FGA: variants seen among roughly 807,000 people sequenced by gnomAD.
FGA encodes fibrinogen alpha chain.
A neutral mutation model predicts 20.3 loss-of-function variants in FGA; 20 were observed. That is an observed-to-expected ratio of 0.99 (90% confidence interval 0.69 to 1.43). The LOEUF is 1.43. Ranked by LOEUF, FGA falls within the 40% of genes most tolerant of loss-of-function variation. The pLI is 0.00. For synonymous variants in FGA, 306 were observed against 281.6 expected (o/e 1.09, Z -0.87); for missense variants, 777 against 784.7 (o/e 0.99, Z 0.12).
rs1196984802 is a variant in FGA at position 154,587,793 on chromosome 4, A to T, written c.365-136T>A. 12 of 715,746 alleles carry T rather than the reference A, an allele frequency of 1.7e-5. No homozygotes were observed. The East Asian group carries it at 1.9e-4, about 12-fold the overall frequency. 44.3% of individuals were successfully genotyped at this position (715,746 alleles called of 1,614,324 possible). A position where few individuals can be genotyped will look rare whatever the true frequency, so the allele number is the denominator to read the frequency against. On this transcript the variant is annotated intron_variant, in intron 3 of 4. Transcript: ENST00000403106. ...AAAGAAAGAAAGAAAGAAAGAAAGA[A>T]AGAAAGAAAGAGAAAAAAGAAAGAA...
chr4:154,584,221 T>C (rs1560823279), downstream of FGA: 2 of 1,608,804 alleles, frequency 1.2e-6, no homozygotes, highest in Non-Finnish European at 1.7e-6. Flanking sequence ...CTCAATCTCA[T>C]AAGGACTGTT....
At chr4:154,584,246 A>T (rs1261936987), downstream of FGA, 1 of 1,614,080 alleles carries the variant, frequency 6.2e-7, no homozygotes. Context: ...CTTGGGTCAT[A>T]GGAGCCCCCA....
Position 154,587,615 on chromosome 4 carries a change from C to A in FGA, c.407G>T (p.Ser136Ile). ...TTTGCGCTTCAGGACTTCAATTCTGCTTCTCAGATCCTCTGACACTCGGTT... is the reference window on the plus strand; with the variant it reads ...TTTGCGCTTCAGGACTTCAATTCTGATTCTCAGATCCTCTGACACTCGGTT... The part of the protein sequence containing the change: ...TYNRVSEDLR[S>I]RIEVLKRKVI... The change falls in exon 4 of 5, where the codon AGC becomes ATC. Residue 136 changes from serine to isoleucine, a missense_variant. Transcript: ENST00000403106. 6.2e-7 allele frequency: 1 copy of A among 1,613,932 alleles called. No homozygotes were observed. Among genetic ancestry groups the A allele is most frequent in the Non-Finnish European group, 8.5e-7 (1 of 1,179,942 alleles).
At chr4:154,587,791 G>GAAAGAAAC in intron 3 of FGA, 134 bp from the exon 4 acceptor site, 2 of 709,598 alleles carry the variant, frequency 2.8e-6, no homozygotes, top group East Asian at 2.8e-5. Context: ...AAGAAAGAAA[G>GAAAGAAAC]AAAGAAAGAA....
rs1276211348 is a variant in FGA, at chr4:154,585,614, A to C, written c.1815T>G (p.Asp605Glu). The change falls in exon 5 of 5, where the codon GAT (aspartate) becomes GAG (glutamate). Residue 605 changes from aspartate (D) to glutamate (E), a missense_variant. By Grantham distance (45) the Asp-to-Glu change is conservative. Coordinates refer to ENST00000403106, the MANE Select transcript of FGA (RefSeq NM_021871.4). ...TFESKSYKMA[D>E]EAGSEADHEG... ...CATGATCGGCTTCACTTCCGGCCTCATCTGCCATTTTATAGCTCTTGCTTT... is the reference window on the plus strand; with the variant it reads ...CATGATCGGCTTCACTTCCGGCCTCCTCTGCCATTTTATAGCTCTTGCTTT... 1 of 1,614,068 alleles carries C rather than the reference A, an allele frequency of 6.2e-7. No homozygotes were observed. The highest frequency in any genetic ancestry group is 1.3e-5 in the African/African-American group (1 of 74,926).
rs1730739224 is a variant in FGA at position 154,586,838 on chromosome 4, ATAGTCCTTCAGATC to A, written c.577_590del (p.Asp193Ter). 1 of 1,614,068 alleles carries A rather than the reference ATAGTCCTTCAGATC, an allele frequency of 6.2e-7. No individual in the cohort carries two copies. The highest frequency in any genetic ancestry group is 8.5e-7 in the Non-Finnish European group (1 of 1,180,026). ...GTTCAAGTTGCTTCTGCTGATCTTC[ATAGTCCTTCAGATC>A]TACTTCACGAGCTAAAGCCCTACTG... On this transcript the variant is annotated frameshift_variant, in exon 5 of 5. Transcript: ENST00000403106. LOFTEE classifies it low-confidence loss of function (END_TRUNC).
chr4:154,587,413 C>T (rs1560826349), intron 4 of FGA, 99 bp downstream of exon 4: 24 of 1,139,994 alleles, frequency 2.1e-5, no homozygotes, highest in East Asian at 1.7e-4. Context: ...GGATATAACA[C>T]TTTTCTCTGC....
chr4:154,586,412 A>G lies in FGA; in HGVS notation c.1017T>C (p.Ser339=). 1 of 1,611,492 alleles carries G rather than the reference A, an allele frequency of 6.2e-7. No individual in the cohort carries two copies. The highest frequency in any genetic ancestry group is 8.5e-7 in the Non-Finnish European group (1 of 1,178,592). Residue 339 remains serine, a synonymous_variant, in exon 5 of 5, where the codon TCT becomes TCC. Transcript: ENST00000403106. ...TTTGGTTTCCAGTACTTCCAGTTCC[A>G]GAGCTCCCAGAGTTCCAGCTTCCAG... ...GSTGSWNSGS[S]GTGSTGNQNP...
downstream of FGA, chr4:154,584,562 G>A: frequency 1.9e-6 from 3 of 1,614,140 alleles, no homozygotes; most frequent in Non-Finnish European, 2.5e-6. Context: ...TAAGAACAGA[G>A]CCCCTTTGGG....
chr4:154,590,599 G>A, intron 1 of FGA, 35 bp downstream of exon 1: 2 of 1,523,628 alleles, frequency 1.3e-6, no homozygotes, highest in South Asian at 2.4e-5. Context: ...AAACACCAGA[G>A]AGAAAGCAAG....
chr4:154,584,176 T>C (rs778213333), downstream of FGA: 1 of 1,614,122 alleles, frequency 6.2e-7, no homozygotes, highest in Non-Finnish European at 8.5e-7. Context: ...GAGGGAATAA[T>C]CTGCCCCTCT....
At chr4:154,584,952 C>A, downstream of FGA, 2 of 853,408 alleles carry the variant, frequency 2.3e-6, no homozygotes, top group South Asian at 2.9e-5. Flanking sequence ...TTTCTTCCTC[C>A]TTTCCTTCCC....
Position 154,585,494 on chromosome 4 carries a change from C to T in FGA, c.1935G>A (p.Ter645=), listed in dbSNP as rs1335801884. 6.4e-7 allele frequency: 1 copy of T among 1,564,880 alleles called. No individual in the cohort carries two copies. ...ACTGTGCAGAAATATTTAACTTAGT[C>T]TAGGGGGACAGGGAAGGCTTCCCCA... ...SPLGKPSLSP[*] Residue 645 remains the stop codon, a stop_retained_variant, in exon 5 of 5, where the codon TAG becomes TAA. Transcript: ENST00000403106.
Position 154,587,803 on chromosome 4 carries a change from G to GAAAGAAAGAA in FGA, c.365-147_365-146insTTCTTTCTTT, listed in dbSNP as rs1553964329. The GAAAGAAAGAA allele has an allele frequency of 6.0e-4, 399 of 664,462 alleles. 7 individuals are homozygous for GAAAGAAAGAA. The highest frequency in any genetic ancestry group is 3.3e-3 in the East Asian group (112 of 34,142). The allele number at this position is 664,462 out of a possible 1,614,324, so 41.2% of individuals were successfully genotyped here. ...AGAAAGAAAGAAAGAAAGAAAGAAA[G>GAAAGAAAGAA]AGAAAAAAGAAAGAAAGAAACTAGC... On this transcript the variant is annotated intron_variant, in intron 3 of 4. Transcript: ENST00000403106.
downstream of FGA, chr4:154,584,269 C>G: frequency 1.9e-6 from 3 of 1,614,102 alleles, no homozygotes; most frequent in Non-Finnish European, 2.5e-6. Flanking sequence ...GTAGTAGATT[C>G]CATTGAGATT....
Position 154,586,230 on chromosome 4 carries a change from G to A in FGA, c.1199C>T (p.Ser400Phe), listed in dbSNP as rs184635235. 2.8e-4 allele frequency: 456 copies of A among 1,614,060 alleles called. 2 individuals are homozygous for A. The East Asian group carries it at 7.0e-3, about 25-fold the overall frequency. ...TGGGTTGTTAGGCCTCGCGTTCCCAGAGCCTGGGCTATCTGGCCTAAAACT... is the reference window on the plus strand; with the variant it reads ...TGGGTTGTTAGGCCTCGCGTTCCCAAAGCCTGGGCTATCTGGCCTAAAACT... ...SGSFRPDSPG[S>F]GNARPNNPDW... The change falls in exon 5 of 5, where the codon TCT (serine) becomes TTT (phenylalanine). Residue 400 changes from serine (S) to phenylalanine (F), a missense_variant. Ser to Phe is a radical substitution (Grantham distance 155). Coordinates refer to ENST00000403106, the MANE Select transcript of FGA (RefSeq NM_021871.4).
chr4:154,584,419 C>A (rs747229356), downstream of FGA: 1 of 1,614,156 alleles, frequency 6.2e-7, no homozygotes, highest in South Asian at 1.1e-5. Context: ...CTCTACGGAA[C>A]CCTCAATCAG....
At position 154,586,343 on chromosome 4, in the gene FGA, A is replaced by G. The variant is rs1482124723; in HGVS notation, c.1086T>C (p.Pro362=). 6.2e-7 allele frequency: 1 copy of G among 1,614,198 alleles called. No individual in the cohort carries two copies. The highest frequency in any genetic ancestry group is 2.2e-5 in the East Asian group (1 of 44,878). The change falls in exon 5 of 5, where the codon CCT becomes CCC. Residue 362 remains proline (P), a synonymous_variant. Transcript: ENST00000403106. Reference sequence around the variant, plus strand: ...CAGCACTTCCGCGTTCAGAGCTGCCAGGATTCCAGGTTCCGGTACTACCAG... The same window carrying G: ...CAGCACTTCCGCGTTCAGAGCTGCCGGGATTCCAGGTTCCGGTACTACCAG... The part of the protein sequence containing the change: ...PRPGSTGTWN[P]GSSERGSAGH...
chr4:154,585,571 T>A lies in FGA; in HGVS notation c.1858A>T (p.Lys620Ter). 2 of 1,614,182 alleles carry A rather than the reference T, an allele frequency of 1.2e-6. No homozygotes were observed. The change falls in exon 5 of 5, where the codon AAG (lysine) becomes TAG (stop). Residue 620 changes from lysine (K) to a stop codon, truncating the protein, a stop_gained. Transcript: ENST00000403106. LOFTEE classifies it high-confidence loss of function. Reference protein sequence around the residue: ...EADHEGTHSTKRGHAKSRPVR... With the variant: ...EADHEGTHST ...GGGCGAGATTTAGCATGGCCTCTCT[T>A]GGTGCTATGTGTTCCTTCATGATCG...
Sources: gnomAD v4.1 joint callset for allele counts on GRCh38, gnomAD v4.1.1 for gene constraint, MANE v1.5 for transcripts, NCBI Gene and HGNC (gene_info 2026-07-23, HGNC 2026-07-21) for gene names.